Variants in SLC4A4 observed in about 807,000 individuals in gnomAD.
The protein encoded by SLC4A4 is solute carrier family 4 member 4.
A neutral mutation model predicts 111.5 loss-of-function variants in SLC4A4; 27 were observed. The observed-to-expected ratio is 0.24, with a 90% CI of 0.18 to 0.33. SLC4A4 has a LOEUF of 0.33. SLC4A4 is among the 10% of genes least tolerant of loss of function. The pLI is 1.00. For missense variants in SLC4A4, 909 were observed against 1,315.5 expected (o/e 0.69, Z 4.78); for synonymous variants, 443 against 463.4 (o/e 0.96, Z 0.57).
intron 16 of SLC4A4, among the ~76,000 whole-genome samples, chr4:71,512,970 C>G (rs1382493197): frequency 6.6e-6 from 1 of 152,028 alleles, no homozygotes; most frequent in Non-Finnish European, 1.5e-5. Context: ...GGATTATCTA[C>G]TCCGTTCTGT....
At chr4:71,324,178 C>T (rs1241978039) in intron 3 of SLC4A4, among the ~76,000 whole-genome samples, 2 of 151,888 alleles carry the variant, frequency 1.3e-5, no homozygotes, top group African/African-American at 2.4e-5. Flanking sequence ...TTCTCAAAGC[C>T]TCATGAATAC....
chr4:71,481,838 A>G (rs989418245), intron 14 of SLC4A4, among the ~76,000 whole-genome samples: 1 of 151,716 alleles, frequency 6.6e-6, no homozygotes, highest in Admixed American at 6.6e-5. Flanking sequence ...ATGGAAAACG[A>G]TCAACCTGTG....
rs529312373 is a variant in SLC4A4, at chr4:71,179,373, G to A, written c.-1-57203G>A. Reference sequence around the variant, plus strand: ...TGGCCAGGGCAATCAGGCAGAAGAAGGAAATAAAGGGCATTCAATTAGGAA... The same window carrying A: ...TGGCCAGGGCAATCAGGCAGAAGAAAGAAATAAAGGGCATTCAATTAGGAA... On this transcript the variant is annotated intron_variant, in intron 2 of 26. Coordinates refer to the SLC4A4 transcript ENST00000649996. Among the ~76,000 whole-genome samples the A allele has an allele frequency of 5.7e-3, 868 of 152,190 alleles. 8 individuals carry two copies. Among genetic ancestry groups the A allele is most frequent in the Non-Finnish European group, 9.5e-3 (649 of 67,990 alleles).
chr4:71,546,262 T>A, intron 18 of SLC4A4, 88 bp from the exon 19 acceptor site: 2 of 1,169,640 alleles, frequency 1.7e-6, no homozygotes, highest in Non-Finnish European at 2.6e-6. Context: ...GTCAGTTTCC[T>A]TTGGTCATCT....
intron 1 of SLC4A4, among the ~76,000 whole-genome samples, chr4:71,224,463 A>G (rs138955229): frequency 2.0e-5 from 3 of 152,332 alleles, no homozygotes; most frequent in Non-Finnish European, 4.4e-5. Flanking sequence ...CAACAGTTAT[A>G]GCCATGTGGT....
At chr4:71,137,486 A>T (rs1743876244) in intron 2 of SLC4A4, among the ~76,000 whole-genome samples, 2 of 152,210 alleles carry the variant, frequency 1.3e-5, no homozygotes, top group African/African-American at 4.8e-5. Context: ...AGTGAACATG[A>T]CCACTGCATT....
At chr4:71,311,762 A>G (rs1726186394) in intron 3 of SLC4A4, among the ~76,000 whole-genome samples, 1 of 152,166 alleles carries the variant, frequency 6.6e-6, no homozygotes, top group South Asian at 2.1e-4. Flanking sequence ...CCCTAACATC[A>G]CAATTAAAAG....
chr4:71,506,665 C>T (rs557217878), intron 16 of SLC4A4, among the ~76,000 whole-genome samples: 5 of 152,100 alleles, frequency 3.3e-5, no homozygotes, highest in Admixed American at 6.6e-5. Flanking sequence ...GTTTGGAAAA[C>T]GCATTTCAGG....
intron 3 of SLC4A4, among the ~76,000 whole-genome samples, chr4:71,297,553 C>G (rs1486282451): frequency 2.1e-5 from 3 of 145,452 alleles, no homozygotes; most frequent in Non-Finnish European, 3.0e-5. Flanking sequence ...CACACACACT[C>G]TTTGGCAAAA....
chr4:71,403,461 C>T (rs1302062723), intron 7 of SLC4A4, among the ~76,000 whole-genome samples: 2 of 152,144 alleles, frequency 1.3e-5, no homozygotes, highest in African/African-American at 4.8e-5. Context: ...GATAATTTCA[C>T]ATAATCAAAA....
At chr4:71,304,104 TG>T (rs1404693085) in intron 3 of SLC4A4, among the ~76,000 whole-genome samples, 2 of 152,244 alleles carry the variant, frequency 1.3e-5, no homozygotes, top group Non-Finnish European at 2.9e-5. Context: ...CTTCCTTTAC[TG>T]GGTAGAAACT....
chr4:71,289,560 C>T (rs1208194992), intron 3 of SLC4A4, among the ~76,000 whole-genome samples: 3 of 151,920 alleles, frequency 2.0e-5, no homozygotes, highest in South Asian at 2.1e-4. Flanking sequence ...AGAACACTTG[C>T]AAAGTAACAT....
chr4:71,089,576 G>C (rs888396906), intron 1 of SLC4A4, among the ~76,000 whole-genome samples: 1 of 151,204 alleles, frequency 6.6e-6, no homozygotes, highest in Non-Finnish European at 1.5e-5. Context: ...TGGTGTTTTG[G>C]CGTGGATGTC....
chr4:71,071,023 C>T (rs1329473330), intron 1 of SLC4A4, among the ~76,000 whole-genome samples: 1 of 152,146 alleles, frequency 6.6e-6, no homozygotes, highest in Admixed American at 6.5e-5. Context: ...ATTATCCCAG[C>T]ACTTTGGGAT....
chr4:71,366,315 T>TGTGTGTGTGTG (rs1731303277), intron 6 of SLC4A4, among the ~76,000 whole-genome samples: 1 of 137,914 alleles, frequency 7.3e-6, no homozygotes, highest in Middle Eastern at 3.4e-3. Context: ...TCTGGAGATA[T>TGTGTGTGTGTG]TGTGTGTGTG....
intron 1 of SLC4A4, among the ~76,000 whole-genome samples, chr4:71,232,590 A>G (rs1444857671): frequency 6.6e-6 from 1 of 152,008 alleles, no homozygotes; most frequent in Non-Finnish European, 1.5e-5. Context: ...TTGGAAAAAA[A>G]AATTTCAGAG....
At chr4:71,544,769 G>GT (rs1735365820) in intron 18 of SLC4A4, among the ~76,000 whole-genome samples, 1 of 152,012 alleles carries the variant, frequency 6.6e-6, no homozygotes, top group South Asian at 2.1e-4. Flanking sequence ...GGTTCTGATA[G>GT]TTCTCCGTAG....
At chr4:71,133,798 T>C (rs1743772722) in intron 2 of SLC4A4, among the ~76,000 whole-genome samples, 1 of 152,204 alleles carries the variant, frequency 6.6e-6, no homozygotes, top group Non-Finnish European at 1.5e-5. Context: ...ATACCGAACT[T>C]GGCACCCCCG....
chr4:71,278,476 TGG>T (rs1468812118), intron 3 of SLC4A4, among the ~76,000 whole-genome samples: 4 of 152,236 alleles, frequency 2.6e-5, no homozygotes, highest in Non-Finnish European at 5.9e-5. Flanking sequence ...GTGGGATTGC[TGG>T]ATCCTATGGT....
Sources: allele counts gnomAD v4.1 joint callset (sites outside exome capture counted in the v4.1 genomes callset), GRCh38; gene constraint gnomAD v4.1.1; transcripts MANE v1.5; gene names NCBI Gene and HGNC (gene_info 2026-07-23, HGNC 2026-07-21).